The following TUBGCP6 variants were observed in gnomAD, a reference collection of about 807,000 sequenced individuals.
TUBGCP6 encodes gamma-tubulin complex component 6.
Under a neutral mutation model 175.8 loss-of-function variants are expected in TUBGCP6, and 161 were observed. That is an observed-to-expected ratio of 0.92 (90% CI 0.81 to 1.04). TUBGCP6 has a LOEUF of 1.04. TUBGCP6 is among the 50% of genes least tolerant of loss of function. The probability of loss-of-function intolerance (pLI) is 0.00; values close to 1 mark genes in which losing one functional copy is unlikely to be tolerated. For synonymous variants in TUBGCP6, 1,173 were observed against 1,030.5 expected (o/e 1.14, Z -2.65); for missense variants, 2,572 against 2,433.0 (o/e 1.06, Z -1.20).
intron 3 of TUBGCP6, among the ~76,000 whole-genome samples, chr22:50,231,784 C>T (rs1327137788): frequency 2.1e-5 from 3 of 146,188 alleles, no homozygotes; most frequent in Non-Finnish European, 4.5e-5. Flanking sequence ...GGTGTGAACC[C>T]GGGAGGCGGA....
Position 50,217,755 on chromosome 22 carries a change from T to C in TUBGCP6, c.5441A>G (p.Asn1814Ser). The change falls in exon 25 of 25, where the codon AAC becomes AGC. Residue 1814 changes from asparagine (N) to serine (S), a missense_variant. Coordinates refer to ENST00000248846, the MANE Select transcript of TUBGCP6 (RefSeq NM_020461.4). ...EDFLLRINFN[N>S]YYQDA Reference sequence around the variant, plus strand: ...GCAGCCTCAGGCGTCCTGGTAGTAGTTGTTGAAGTTGATGCGCAGCAGAAA... The same window carrying C: ...GCAGCCTCAGGCGTCCTGGTAGTAGCTGTTGAAGTTGATGCGCAGCAGAAA... 3 of 1,613,746 alleles carry C rather than the reference T, an allele frequency of 1.9e-6. No homozygotes were observed. Among genetic ancestry groups the C allele is most frequent in the Non-Finnish European group, 1.7e-6 (2 of 1,179,908 alleles).
At chr22:50,227,856 C>T (rs1269620467) in intron 5 of TUBGCP6, 51 bp downstream of exon 5, 3 of 1,553,796 alleles carry the variant, frequency 1.9e-6, no homozygotes, top group Non-Finnish European at 2.6e-6. Context: ...CCCAGCAAGC[C>T]CCACACCGCT....
chr22:50,231,396 G>C (rs945522503), intron 3 of TUBGCP6, among the ~76,000 whole-genome samples: 1 of 151,954 alleles, frequency 6.6e-6, no homozygotes, highest in South Asian at 2.1e-4. Context: ...GGAGGCTGCA[G>C]TGAGCTGAGA....
At chr22:50,220,041 G>A (rs994770857) in intron 16 of TUBGCP6, 26 bp from the exon 17 acceptor site, 27 of 1,610,736 alleles carry the variant, frequency 1.7e-5, no homozygotes, top group Non-Finnish European at 2.2e-5. Context: ...TGGACACGAG[G>A]GCATCAGGGC....
chr22:50,228,533 G>A (rs2064648243), intron 4 of TUBGCP6, among the ~76,000 whole-genome samples: 1 of 152,154 alleles, frequency 6.6e-6, no homozygotes, highest in African/African-American at 2.4e-5. Context: ...CTAAGACAGG[G>A]GCACCCTGGA....
Position 50,228,085 on chromosome 22 carries a change from A to G in TUBGCP6, c.1291-57T>C, listed in dbSNP as rs1276227956. 11 of 1,465,764 alleles carry G rather than the reference A, an allele frequency of 7.5e-6. No homozygotes were observed. In the East Asian group the frequency reaches 1.0e-4, roughly 13 times the overall value. The allele number at this position is 1,465,764 out of a possible 1,614,324, so 90.8% of individuals were successfully genotyped here. The stretch of plus-strand genomic sequence containing the variant: ...CAGGCACATGGACGCAGCCGTGCCC[A>G]GGGCCTGAGGGGCACCAGTGCTGGG... On this transcript the variant is annotated intron_variant, in intron 4 of 24. Transcript: ENST00000248846.
chr22:50,221,781 T>C lies in TUBGCP6; in HGVS notation c.2578A>G (p.Arg860Gly). The C allele has an allele frequency of 6.6e-7, 1 of 1,512,020 alleles. No homozygotes were observed. Among genetic ancestry groups the C allele is most frequent in the Non-Finnish European group, 8.8e-7 (1 of 1,130,230 alleles). The allele number at this position is 1,512,020 out of a possible 1,614,324, so 93.7% of individuals were successfully genotyped here. A position where few individuals can be genotyped will look rare whatever the true frequency, so the allele number is the denominator to read the frequency against. Residue 860 changes from arginine to glycine, a missense_variant, in exon 16 of 25, where the codon AGG becomes GGG. By Grantham distance (125) the Arg-to-Gly change is moderately radical (BLOSUM62 -2). Transcript: ENST00000248846. Reference protein sequence around the residue: ...QHSPAWDGWNRPGLLTPQPLK... With the variant: ...QHSPAWDGWNGPGLLTPQPLK... ...GGCTGTGGGGTCAGCAGGCCTGGCC[T>C]GTTCCAGCCATCCCAGGCAGGCGAG...
intron 2 of TUBGCP6, among the ~76,000 whole-genome samples, chr22:50,234,959 G>GCA: frequency 8.0e-6 from 1 of 124,554 alleles, no homozygotes; most frequent in Non-Finnish European, 1.7e-5. Context: ...TCCCGTCCAT[G>GCA]GCAGCATCCA....
chr22:50,221,058 G>C lies in TUBGCP6; in HGVS notation c.3301C>G (p.Arg1101Gly). The C allele has an allele frequency of 6.2e-7, 1 of 1,612,748 alleles. No homozygotes were observed. The highest frequency in any genetic ancestry group is 8.5e-7 in the Non-Finnish European group (1 of 1,179,692). Residue 1101 changes from arginine (R) to glycine (G), a missense_variant, in exon 16 of 25, where the codon CGG becomes GGG. By Grantham distance (125) the Arg-to-Gly change is moderately radical. Transcript: ENST00000248846. ...TGTCCATGGATGTTCCACCGTGGCC[G>C]AGTGGGAGCCACATCTGACACAGAC... ...GESVSDVAPT[R>G]PRWNIHGHVS...
intron 10 of TUBGCP6, 122 bp downstream of exon 10, chr22:50,225,672 C>T: frequency 2.3e-6 from 3 of 1,327,090 alleles, no homozygotes; most frequent in Non-Finnish European, 3.0e-6. Flanking sequence ...ACCGCCAGGA[C>T]AGAAAATGCC....
At position 50,221,906 on chromosome 22, in the gene TUBGCP6, G is replaced by A. The variant is rs1466011943; in HGVS notation, c.2485-32C>T. The stretch of plus-strand genomic sequence containing the variant: ...CACAGGTGACATCAGACCCAGTCTG[G>A]TCTCAGGACCCCCCAGCCCTCGAAC... On this transcript the variant is annotated intron_variant, in intron 15 of 24. Transcript: ENST00000248846. 2.6e-6 allele frequency: 4 copies of A among 1,540,018 alleles called. No individual in the cohort carries two copies. The South Asian group carries it at 4.9e-5, about 19-fold the overall frequency.
rs2064578767 is a variant in TUBGCP6, at chr22:50,224,605, AC to A, written c.1984-14del. On this transcript the variant is annotated splice_polypyrimidine_tract_variant and intron_variant, in intron 10 of 24. Coordinates refer to ENST00000248846, the MANE Select transcript of TUBGCP6 (RefSeq NM_020461.4). ...CCATACGTAATTCCTGAGAAAGACA[AC>A]TGGTAATCAAAGCATCCTGGCCGGG... 6 of 1,613,164 alleles carry A rather than the reference AC, an allele frequency of 3.7e-6. No homozygotes were observed. The highest frequency in any genetic ancestry group is 5.1e-6 in the Non-Finnish European group (6 of 1,179,888).
chr22:50,220,135 G>A, intron 16 of TUBGCP6, 116 bp downstream of exon 16: 2 of 1,549,016 alleles, frequency 1.3e-6, no homozygotes, highest in South Asian at 2.4e-5. Flanking sequence ...CCAGGTCCTG[G>A]CTGACAAGGA....
Position 50,218,023 on chromosome 22 carries a change from C to A in TUBGCP6, c.5263G>T (p.Ala1755Ser). Residue 1755 changes from alanine to serine, a missense_variant, in exon 24 of 25, where the codon GCC becomes TCC. Ala to Ser is a moderately conservative substitution (Grantham distance 99). Coordinates refer to ENST00000248846, the MANE Select transcript of TUBGCP6 (RefSeq NM_020461.4). The part of the protein sequence containing the change: ...LKFRSQLISQ[A>S]WGPPGGPRGA... ...CGCGGGCCCCCAGGGGGCCCCCAGGCCTGGGAGATGAGCTGGCTGCGGAAC... is the reference window on the plus strand; with the variant it reads ...CGCGGGCCCCCAGGGGGCCCCCAGGACTGGGAGATGAGCTGGCTGCGGAAC... 1 of 1,613,352 alleles carries A rather than the reference C, an allele frequency of 6.2e-7. No individual in the cohort carries two copies. The highest frequency in any genetic ancestry group is 8.5e-7 in the Non-Finnish European group (1 of 1,179,928).
chr22:50,244,046 A>G lies in TUBGCP6; in HGVS notation c.414T>C (p.His138=). 2 of 1,613,998 alleles carry G rather than the reference A, an allele frequency of 1.2e-6. No individual in the cohort carries two copies. The highest frequency in any genetic ancestry group is 1.7e-6 in the Non-Finnish European group (2 of 1,180,014). The change falls in exon 1 of 25, where the codon CAT becomes CAC. Residue 138 remains histidine, a synonymous_variant. Coordinates refer to ENST00000248846, the MANE Select transcript of TUBGCP6 (RefSeq NM_020461.4). The part of the protein sequence containing the change: ...RKRDYFLNNK[H]VGRNVPYSGY... ...CGCTGTACGGAACGTTTCTCCCCAC[A>G]TGCTTGTTGTTAAGGAAGTAGTCTC...
Position 50,244,323 on chromosome 22 carries a change from A to T in TUBGCP6, c.137T>A (p.Phe46Tyr). Residue 46 changes from phenylalanine to tyrosine, a missense_variant, in exon 1 of 25, where the codon TTC becomes TAC. Transcript: ENST00000248846. ...AGTCTCATCTTGAAAAAGATTTGTG[A>T]AAAGAGCATTGTAGGCCACCTTCTT... ...SLKKVAYNAL[F>Y]TNLFQDETQQ... 6.2e-7 allele frequency: 1 copy of T among 1,613,562 alleles called. No homozygotes were observed. Among genetic ancestry groups the T allele is most frequent in the Non-Finnish European group, 8.5e-7 (1 of 1,180,026 alleles).
rs2064823327 is a variant in TUBGCP6, at chr22:50,240,228, C to T, written c.881G>A (p.Arg294Gln). ...CCAGCCAACTCGCTCCCAGCACCTC[C>T]GCTTGCTGGCCTCATAGGTAAGTGC... ...EAALTYEASK[R>Q]RCWERVGCPP... Residue 294 changes from arginine (R) to glutamine (Q), a missense_variant, in exon 2 of 25, where the codon CGG (arginine) becomes CAG (glutamine). Physicochemically the swap from Arg to Gln is conservative, Grantham distance 43. Coordinates refer to ENST00000248846, the MANE Select transcript of TUBGCP6 (RefSeq NM_020461.4). 3.1e-6 allele frequency: 5 copies of T among 1,613,844 alleles called. 1 individual carries two copies. In the South Asian group the frequency reaches 3.3e-5, roughly 11 times the overall value.
Position 50,244,285 on chromosome 22 carries a change from G to A in TUBGCP6, c.175C>T (p.Pro59Ser), listed in dbSNP as rs1331905043. 3 of 1,613,668 alleles carry A rather than the reference G, an allele frequency of 1.9e-6. No individual in the cohort carries two copies. The highest frequency in any genetic ancestry group is 1.7e-5 in the Admixed American group (1 of 60,032). The change falls in exon 1 of 25, where the codon CCT becomes TCT. Residue 59 changes from proline (P) to serine (S), a missense_variant. By Grantham distance (74) the Pro-to-Ser change is moderately conservative. Coordinates refer to ENST00000248846, the MANE Select transcript of TUBGCP6 (RefSeq NM_020461.4). ...CTCGCTGGTAGTTTTGACATGTCAG[G>A]CTGCAGCTGTTGAGTCTCATCTTGA... is the stretch of plus-strand genomic sequence containing the variant. ...LFQDETQQLQPDMSKLPARNK... is the reference protein window; with the variant it reads ...LFQDETQQLQSDMSKLPARNK...
intron 6 of TUBGCP6, 48 bp from the exon 7 acceptor site, chr22:50,226,890 G>A (rs1232127542): frequency 1.3e-6 from 2 of 1,556,688 alleles, no homozygotes; most frequent in African/African-American, 1.4e-5. Context: ...ACCCAGCGCT[G>A]GGAGTGAGGC....
Sources: gnomAD v4.1 joint callset for allele counts (sites outside exome capture counted in the v4.1 genomes callset) on GRCh38, gnomAD v4.1.1 for gene constraint, MANE v1.5 for transcripts, NCBI Gene and HGNC (gene_info 2026-07-23, HGNC 2026-07-21) for gene names.